The following HTR4 variants were observed in gnomAD, a reference collection of about 807,000 sequenced individuals.
HTR4 encodes the protein 5-hydroxytryptamine (serotonin) receptor 4, G protein-coupled.
A neutral mutation model predicts 36.8 loss-of-function variants in HTR4; 16 were observed. That is an observed-to-expected ratio of 0.43 (90% CI 0.29 to 0.66). The LOEUF is 0.66. Ranked by LOEUF, HTR4 falls within the 30% of genes least tolerant of loss-of-function variation. The probability of loss-of-function intolerance (pLI) is 0.13; values close to 1 mark genes in which losing one functional copy is unlikely to be tolerated. For missense variants in HTR4, 438 were observed against 490.9 expected, an observed-to-expected ratio of 0.89 and a Z score of 1.02; for synonymous variants, 189 against 185.1, an observed-to-expected ratio of 1.02 and a Z score of -0.17.
intron 5 of HTR4, among the ~76,000 whole-genome samples, chr5:148,455,734 T>C (rs1253571674): frequency 6.6e-6 from 1 of 152,254 alleles, no homozygotes; most frequent in Non-Finnish European, 1.5e-5. Context: ...ACTGGTAGTT[T>C]ACTGTTGACT....
At chr5:148,502,594 C>T (rs79464466) in intron 6 of HTR4, among the ~76,000 whole-genome samples, 1 of 151,672 alleles carries the variant, frequency 6.6e-6, no homozygotes, top group Non-Finnish European at 1.5e-5. Context: ...GAGCACCTCT[C>T]CCCCTACAAA....
chr5:148,616,860 C>G (rs1752711658), intron 2 of HTR4, among the ~76,000 whole-genome samples: 1 of 152,012 alleles, frequency 6.6e-6, no homozygotes, highest in African/African-American at 2.4e-5. Flanking sequence ...CTGCACTACA[C>G]CAGGATCATT....
chr5:148,457,670 A>G (rs530323821), intron 5 of HTR4, among the ~76,000 whole-genome samples: 9 of 146,418 alleles, frequency 6.1e-5, no homozygotes, highest in Admixed American at 2.8e-4. Flanking sequence ...AATATATTTT[A>G]ATATATCATT....
intron 6 of HTR4, among the ~76,000 whole-genome samples, chr5:148,508,400 G>A (rs1360550249): frequency 6.6e-6 from 1 of 152,154 alleles, no homozygotes; most frequent in Non-Finnish European, 1.5e-5. Context: ...TCAGGGTTTG[G>A]AAAGAGGTAC....
intron 1 of HTR4, among the ~76,000 whole-genome samples, chr5:148,637,939 G>A (rs1463926369): frequency 1.3e-5 from 2 of 152,144 alleles, no homozygotes; most frequent in African/African-American, 4.8e-5. Flanking sequence ...GTAAAGAGAA[G>A]AGATTGGAAA....
At chr5:148,469,775 T>C (rs190771081) in intron 5 of HTR4, among the ~76,000 whole-genome samples, 7 of 152,334 alleles carry the variant, frequency 4.6e-5, no homozygotes, top group Admixed American at 1.3e-4. Context: ...ATGCAAAGTA[T>C]ATCATTTGGA....
intron 2 of HTR4, among the ~76,000 whole-genome samples, chr5:148,623,764 G>A (rs1303560477): frequency 6.6e-6 from 1 of 152,090 alleles, no homozygotes; most frequent in South Asian, 2.1e-4. Flanking sequence ...AACGTTCTAG[G>A]TCCTCAGCTG....
chr5:148,560,418 A>G lies in HTR4; in HGVS notation c.27-10156T>C, dbSNP rs899771634. Among the ~76,000 whole-genome samples the G allele has an allele frequency of 2.0e-5, 3 of 152,142 alleles. No homozygotes were observed. In the East Asian group the frequency reaches 5.8e-4, roughly 29 times the overall value. ...AGACCAAAATTTTACATTTTTAGCA[A>G]GTTCCCAGGTAATGCTGATGTCGAT... is the stretch of plus-strand genomic sequence containing the variant. On this transcript the variant is annotated intron_variant, in intron 2 of 6. Coordinates refer to ENST00000377888, the MANE Select transcript of HTR4 (RefSeq NM_000870.7).
intron 4 of HTR4, among the ~76,000 whole-genome samples, chr5:148,525,635 C>T (rs922677972): frequency 3.3e-5 from 5 of 152,150 alleles, no homozygotes; most frequent in African/African-American, 1.2e-4. Flanking sequence ...CATTCCTGCT[C>T]CTTGGATCTT....
chr5:148,456,267 G>A (rs191989070), intron 5 of HTR4, among the ~76,000 whole-genome samples: 42 of 152,242 alleles, frequency 2.8e-4, no homozygotes, highest in Non-Finnish European at 4.4e-4. Flanking sequence ...TAAATAATAG[G>A]AGCAGATCTG....
chr5:148,586,128 G>T (rs1020761171), intron 2 of HTR4, among the ~76,000 whole-genome samples: 7 of 151,926 alleles, frequency 4.6e-5, no homozygotes, highest in Non-Finnish European at 8.8e-5. Flanking sequence ...CATGTTTGTT[G>T]TTGGGCTGCA....
intron 2 of HTR4, among the ~76,000 whole-genome samples, chr5:148,611,151 C>T (rs935671169): frequency 4.2e-5 from 6 of 142,174 alleles, no homozygotes; most frequent in African/African-American, 7.9e-5. Context: ...GGCAGGCCAA[C>T]GTTCAGATTC....
At chr5:148,510,158 TAAA>T in intron 5 of HTR4, 134 bp from the exon 6 acceptor site, 1 of 588,732 alleles carries the variant, frequency 1.7e-6, no homozygotes, top group Non-Finnish European at 3.0e-6. Flanking sequence ...GATTGGAAGA[TAAA>T]AAGAAGGGGA....
intron 2 of HTR4, among the ~76,000 whole-genome samples, chr5:148,600,275 A>AACATATATACATATATAAAC (rs1200913421): frequency 6.8e-6 from 1 of 148,086 alleles, no homozygotes; most frequent in Non-Finnish European, 1.5e-5. Flanking sequence ...ATACATATAT[A>AACATATATACATATATAAAC]ACATATATAC....
intron 5 of HTR4, among the ~76,000 whole-genome samples, chr5:148,458,216 G>T (rs1193724460): frequency 6.7e-6 from 1 of 148,930 alleles, no homozygotes; most frequent in African/African-American, 2.5e-5. Flanking sequence ...AAGTGCCTTG[G>T]TTTAAAGAGA....
intron 4 of HTR4, among the ~76,000 whole-genome samples, chr5:148,533,859 TA>T (rs1758689049): frequency 6.6e-6 from 1 of 152,144 alleles, no homozygotes; most frequent in African/African-American, 2.4e-5. Context: ...TCTTGGCACA[TA>T]AATATCTGTT....
intron 1 of HTR4, among the ~76,000 whole-genome samples, chr5:148,648,825 A>C: frequency 6.6e-6 from 1 of 152,210 alleles, no homozygotes; most frequent in East Asian, 1.9e-4. Flanking sequence ...GGAATGTGTC[A>C]AACTAATGGC....
Position 148,451,206 on chromosome 5 carries a change from T to C in HTR4, c.1143A>G (p.Glu381=), listed in dbSNP as rs376377532. The C allele has an allele frequency of 1.9e-5, 30 of 1,613,772 alleles. No homozygotes were observed. The African/African-American group carries it at 3.1e-4, about 17-fold the overall frequency. The change falls in exon 6 of 6, where the codon GAA becomes GAG. Residue 381 remains glutamate, a synonymous_variant. Coordinates refer to the HTR4 transcript ENST00000521530. ...TCAATCAGAAGCATGATTCCAGGGA[T>C]TCTGGGTCATTGTGTATGGGCAGTT...
At chr5:148,475,036 C>A (rs1014309021), downstream of HTR4, among the ~76,000 whole-genome samples, 2 of 132,260 alleles carry the variant, frequency 1.5e-5, no homozygotes, top group Non-Finnish European at 3.4e-5. Flanking sequence ...CAGAGTGAGA[C>A]TCCTTCTCCA....
Sources: gnomAD v4.1 joint callset for allele counts (sites outside exome capture counted in the v4.1 genomes callset) on GRCh38, gnomAD v4.1.1 for gene constraint, MANE v1.5 for transcripts, NCBI Gene and HGNC (gene_info 2026-07-23, HGNC 2026-07-21) for gene names.